Variants in MAML2 observed in about 807,000 individuals in gnomAD.
MAML2 encodes the protein mastermind like transcriptional coactivator 2, also known as mastermind-like protein 2.
MAML2 carries 22 observed loss-of-function variants against 96.1 expected under a neutral mutation model. The ratio of observed to expected loss-of-function variants is 0.23; its 90% confidence interval spans 0.16 to 0.33. The LOEUF (loss-of-function observed/expected upper bound fraction) is 0.33, where lower values mean the gene tolerates loss of function less well. MAML2 is among the 10% of genes least tolerant of loss of function. MAML2 has a pLI of 1.00. For synonymous variants in MAML2, 561 were observed against 521.3 expected (o/e 1.08, Z -1.04); for missense variants, 1,367 against 1,392.4 (o/e 0.98, Z 0.29).
chr11:96,087,713 C>T (rs1482021862), intron 2 of MAML2, among the ~76,000 whole-genome samples: 4 of 152,070 alleles, frequency 2.6e-5, no homozygotes, highest in Admixed American at 2.0e-4. Context: ...TTACTTTGGC[C>T]CTCCAGGCTC....
intron 2 of MAML2, among the ~76,000 whole-genome samples, chr11:96,032,204 G>A (rs774782812): frequency 1.5e-4 from 23 of 152,102 alleles, no homozygotes; most frequent in Non-Finnish European, 2.8e-4. Flanking sequence ...CCACTTTGGA[G>A]AACAGGTTGG....
Position 96,341,459 on chromosome 11 carries a change from C to T in MAML2, c.437G>A (p.Gly146Asp). The change falls in exon 1 of 5, where the codon GGC becomes GAC. Residue 146 changes from glycine to aspartate, a missense_variant. By Grantham distance (94) the Gly-to-Asp change is moderately conservative. Transcript: ENST00000524717. ...QHLLNSSNNG[G>D]SGGINGEQQP... is the part of the protein sequence containing the mutation. ...CTGCTCTCCGTTTATCCCACCACTG[C>T]CACCATTATTGCTACTGTTCAGCAG... The T allele has an allele frequency of 6.4e-7, 1 of 1,551,304 alleles. No homozygotes were observed.
chr11:96,167,650 A>C (rs1861215196), intron 1 of MAML2, among the ~76,000 whole-genome samples: 1 of 152,172 alleles, frequency 6.6e-6, no homozygotes, highest in African/African-American at 2.4e-5. Flanking sequence ...GGCTGTGTGC[A>C]TGCTTCTCCC....
intron 2 of MAML2, among the ~76,000 whole-genome samples, chr11:96,064,191 C>T (rs1391344366): frequency 6.6e-6 from 1 of 152,174 alleles, no homozygotes; most frequent in East Asian, 1.9e-4. Flanking sequence ...CACAGCACCT[C>T]AATATAAGAA....
intron 1 of MAML2, among the ~76,000 whole-genome samples, chr11:96,247,036 T>C (rs1428488181): frequency 1.3e-5 from 2 of 152,154 alleles, no homozygotes; most frequent in Non-Finnish European, 2.9e-5. Context: ...TGATCCTCCT[T>C]ACATAAGGAC....
chr11:96,174,020 C>A (rs1401350676), intron 1 of MAML2, among the ~76,000 whole-genome samples: 2 of 152,324 alleles, frequency 1.3e-5, no homozygotes, highest in Middle Eastern at 3.4e-3. Context: ...ATTTAAGCAG[C>A]AATGACTTCA....
At chr11:96,020,819 G>A (rs1477181246) in intron 2 of MAML2, among the ~76,000 whole-genome samples, 2 of 152,182 alleles carry the variant, frequency 1.3e-5, no homozygotes. Context: ...TGGTCAGAAT[G>A]AGAGAGACAG....
intron 1 of MAML2, among the ~76,000 whole-genome samples, chr11:96,269,598 G>A (rs1862884691): frequency 6.9e-6 from 1 of 144,294 alleles, no homozygotes; most frequent in Non-Finnish European, 1.5e-5. Context: ...CGCAACCTCT[G>A]CCTCCTGGGT....
chr11:96,252,471 G>C (rs1185159432), intron 1 of MAML2, among the ~76,000 whole-genome samples: 2 of 147,310 alleles, frequency 1.4e-5, no homozygotes, highest in Non-Finnish European at 3.0e-5. Flanking sequence ...CTGTCACGAG[G>C]CTGGAGTGCA....
intron 1 of MAML2, among the ~76,000 whole-genome samples, chr11:96,110,886 G>T (rs537691560): frequency 1.5e-4 from 23 of 152,270 alleles, no homozygotes; most frequent in African/African-American, 5.5e-4. Context: ...CATCAGGATT[G>T]GGTCTAATCG....
At chr11:96,172,873 A>T (rs1460206401) in intron 1 of MAML2, among the ~76,000 whole-genome samples, 1 of 152,228 alleles carries the variant, frequency 6.6e-6, no homozygotes, top group African/African-American at 2.4e-5. Flanking sequence ...ATGGAAAAAC[A>T]TGAGTAGTTC....
At chr11:96,124,538 T>C (rs1050362863) in intron 1 of MAML2, among the ~76,000 whole-genome samples, 1 of 152,228 alleles carries the variant, frequency 6.6e-6, no homozygotes, top group African/African-American at 2.4e-5. Context: ...CTAACAAAGA[T>C]GATTGAGTTG....
chr11:96,133,543 C>T (rs192008366), intron 1 of MAML2, among the ~76,000 whole-genome samples: 1 of 151,780 alleles, frequency 6.6e-6, no homozygotes, highest in Non-Finnish European at 1.5e-5. Context: ...CTTGGTCAAT[C>T]GACTTGGCAG....
At chr11:96,166,413 T>C (rs1861196637) in intron 1 of MAML2, among the ~76,000 whole-genome samples, 1 of 152,228 alleles carries the variant, frequency 6.6e-6, no homozygotes, top group Non-Finnish European at 1.5e-5. Flanking sequence ...ATAGTTTTCT[T>C]ATTGTTTCCT....
At chr11:96,049,957 G>A (rs1858964569) in intron 2 of MAML2, among the ~76,000 whole-genome samples, 1 of 152,114 alleles carries the variant, frequency 6.6e-6, no homozygotes, top group South Asian at 2.1e-4. Context: ...ACTCACTTAA[G>A]TAGATCAAAC....
Position 95,977,882 on chromosome 11 carries a change from C to T in MAML2, c.*1066G>A, listed in dbSNP as rs1292592880. On this transcript the variant is annotated 3_prime_UTR_variant, in exon 5 of 5. Transcript: ENST00000524717. Reference sequence around the variant, plus strand: ...CTTGATTATGCGTTCCTTCAAACTCCGTGAAATACATTTGTACACACTGGT... The same window carrying T: ...CTTGATTATGCGTTCCTTCAAACTCTGTGAAATACATTTGTACACACTGGT... The T allele has an allele frequency of 1.3e-5, 3 of 224,864 alleles. No individual in the cohort carries two copies. The highest frequency in any genetic ancestry group is 2.7e-5 in the Non-Finnish European group (3 of 112,772). The allele number at this position is 224,864 out of a possible 1,614,324, so 13.9% of individuals were successfully genotyped here. A position where few individuals can be genotyped will look rare whatever the true frequency, so the allele number is the denominator to read the frequency against.
At chr11:96,313,403 C>T (rs374029835) in intron 1 of MAML2, among the ~76,000 whole-genome samples, 8 of 152,168 alleles carry the variant, frequency 5.3e-5, no homozygotes, top group Non-Finnish European at 4.4e-5. Flanking sequence ...ATTTCGGAAC[C>T]TTTGCTCTAG....
At chr11:96,287,123 G>A (rs558779628) in intron 1 of MAML2, among the ~76,000 whole-genome samples, 7 of 152,332 alleles carry the variant, frequency 4.6e-5, no homozygotes, top group African/African-American at 1.7e-4. Flanking sequence ...TTACAAGAAT[G>A]AAGAATATTG....
intron 2 of MAML2, among the ~76,000 whole-genome samples, chr11:96,022,114 A>G (rs969100763): frequency 2.0e-5 from 3 of 152,146 alleles, no homozygotes; most frequent in Admixed American, 6.5e-5. Context: ...CTGGATCTCT[A>G]TCACTGCTCC....
Sources: gnomAD v4.1 joint callset for allele counts (sites outside exome capture counted in the v4.1 genomes callset) on GRCh38, gnomAD v4.1.1 for gene constraint, MANE v1.5 for transcripts, NCBI Gene and HGNC (gene_info 2026-07-23, HGNC 2026-07-21) for gene names.